Variants in STAT6 observed in about 807,000 individuals in gnomAD.
STAT6 encodes signal transducer and activator of transcription 6, also known as STAT, interleukin4-induced.
Under a neutral mutation model 106.3 loss-of-function variants are expected in STAT6, and 45 were observed. The observed-to-expected ratio is 0.42, with a 90% CI of 0.33 to 0.54. The LOEUF is 0.54. Ranked by LOEUF, STAT6 falls within the 20% of genes least tolerant of loss-of-function variation. The probability of loss-of-function intolerance (pLI) is 0.06; values close to 1 mark genes in which losing one functional copy is unlikely to be tolerated. For synonymous variants in STAT6, 413 were observed against 413.6 expected (o/e 1.00, Z 0.02); for missense variants, 797 against 1,062.2 (o/e 0.75, Z 3.47).
At position 57,098,841 on chromosome 12, in the gene STAT6, C is replaced by T. The variant is rs2033630518; in HGVS notation, c.2017G>A (p.Gly673Arg). 3 of 1,613,254 alleles carry T rather than the reference C, an allele frequency of 1.9e-6. No individual in the cohort carries two copies. The highest frequency in any genetic ancestry group is 1.3e-5 in the African/African-American group (1 of 74,978). ...MPTMVPSYDL[G>R]MAPDSSMSMQ... ...CTCATGGAGGAATCAGGGGCCATTC[C>T]AAGGTCATAAGAAGGCACCATGGTA... Residue 673 changes from glycine (G) to arginine (R), a missense_variant, in exon 18 of 22, where the codon GGA (glycine) becomes AGA (arginine). This residue lies in a region of STAT6 where 226 missense variants were observed against 236.7 expected (regional missense o/e 0.95). Coordinates refer to ENST00000300134, the MANE Select transcript of STAT6 (RefSeq NM_003153.5).
intron 1 of STAT6, chr12:57,110,166 C>T (rs993797664): frequency 1.3e-5 from 2 of 152,298 alleles, no homozygotes; most frequent in African/African-American, 4.8e-5. Context: ...TCCTCTGCAT[C>T]CCCTTGCAGA....
intron 19 of STAT6, among the ~76,000 whole-genome samples, 164 bp downstream of exon 19, chr12:57,098,341 G>A (rs2033584611): frequency 6.6e-6 from 1 of 152,148 alleles, no homozygotes; most frequent in Non-Finnish European, 1.5e-5. Flanking sequence ...TTCAAACCTA[G>A]GCAGTCCAGA....
At chr12:57,107,889 G>C in intron 2 of STAT6, 146 bp from the exon 3 acceptor site, 1 of 1,213,784 alleles carries the variant, frequency 8.2e-7, no homozygotes, top group Non-Finnish European at 1.1e-6. Context: ...CATGCGCCTT[G>C]TTTCCCAGTC....
Position 57,104,478 on chromosome 12 carries a change from G to C in STAT6, c.1198C>G (p.Pro400Ala), listed in dbSNP as rs1190118168. 1.2e-6 allele frequency: 2 copies of C among 1,609,280 alleles called. No individual in the cohort carries two copies. The highest frequency in any genetic ancestry group is 1.7e-6 in the Non-Finnish European group (2 of 1,178,230). ...CCACGGTTCACCTGGAGCTGGATGG[G>C]GAGTTTGCCGGGGCCAAGTGTGAAG... is the stretch of plus-strand genomic sequence containing the variant. ...ASFTLGPGKL[P>A]IQLQALSLPL... is the part of the protein sequence containing the mutation. The change falls in exon 11 of 22, where the codon CCC becomes GCC. Residue 400 changes from proline to alanine, a missense_variant. By Grantham distance (27) the Pro-to-Ala change is conservative. This residue lies in a region of STAT6 where 222 missense variants were observed against 354.6 expected (regional missense o/e 0.63). Transcript: ENST00000300134.
chr12:57,102,392 G>A lies in STAT6; in HGVS notation c.1410C>T (p.Leu470=). Residue 470 remains leucine, a synonymous_variant, in exon 13 of 22, where the codon CTC becomes CTT. Transcript: ENST00000300134. ...GGGCCAGGAAGAGGAAGTGCTCTGG[G>A]AGCAGCCCCCGGTTGGTCCCCACCT... ...MAEVGTNRGL[L]PEHFLFLAQK... The A allele has an allele frequency of 6.2e-7, 1 of 1,614,152 alleles. No homozygotes were observed. Among genetic ancestry groups the A allele is most frequent in the African/African-American group, 1.3e-5 (1 of 75,044 alleles).
chr12:57,098,955 C>T, intron 17 of STAT6, 53 bp from the exon 18 acceptor site: 6 of 1,612,956 alleles, frequency 3.7e-6, no homozygotes, highest in Non-Finnish European at 5.1e-6. Flanking sequence ...TGCCACCCCT[C>T]CTTCCTGCAG....
At position 57,096,710 on chromosome 12, in the gene STAT6, G is replaced by T; in HGVS notation, c.2406C>A (p.Leu802=). 6.2e-7 allele frequency: 1 copy of T among 1,611,632 alleles called. No homozygotes were observed. Among genetic ancestry groups the T allele is most frequent in the South Asian group, 1.1e-5 (1 of 90,964 alleles). ...PPLLPPTEQD[L]TKLLLEGQGE... ...CTTGCCCCTCCAGGAGAAGCTTAGT[G>T]AGGTCCTGTTCAGTGGGAGGCAGCA... Residue 802 remains leucine (L), a synonymous_variant, in exon 22 of 22, where the codon CTC becomes CTA. Transcript: ENST00000300134.
Position 57,099,156 on chromosome 12 carries a change from T to C in STAT6, c.1892-78A>G. 1 of 1,601,466 alleles carries C rather than the reference T, an allele frequency of 6.2e-7. No homozygotes were observed. Among genetic ancestry groups the C allele is most frequent in the Admixed American group, 1.7e-5 (1 of 59,964 alleles). On this transcript the variant is annotated intron_variant, in intron 16 of 21. Coordinates refer to ENST00000300134, the MANE Select transcript of STAT6 (RefSeq NM_003153.5). This position sits in a 1 kb window ranked among gnomAD's most constrained non-coding sequence, Gnocchi z 4.7. ...GGGAGGTGGAAAAGGTGGGCATGGA[T>C]CATGGGGAAGTAAGAGAAGCACAGC...
chr12:57,101,213 C>A (rs553590685), intron 13 of STAT6, among the ~76,000 whole-genome samples: 2 of 151,896 alleles, frequency 1.3e-5, no homozygotes, highest in East Asian at 3.9e-4. Flanking sequence ...CTCAGCCTCC[C>A]GAGTAGTTGG....
At chr12:57,102,226 A>T in intron 13 of STAT6, 64 bp downstream of exon 13, 1 of 1,537,266 alleles carries the variant, frequency 6.5e-7, no homozygotes, top group Non-Finnish European at 9.0e-7. Flanking sequence ...GAGGCTGAGC[A>T]GGCCCTGAGT....
chr12:57,099,741 CAG>C lies in STAT6; in HGVS notation c.1744+24_1744+25del. The stretch of plus-strand genomic sequence containing the variant: ...ACCCCAGAGGGCACAGGCACAGAGA[CAG>C]AGGACTGGCTGGGGTGGCCTCACCA... On this transcript the variant is annotated intron_variant, in intron 15 of 21. Transcript: ENST00000300134. The surrounding 1 kb of genome is among the most constrained non-coding windows in gnomAD (Gnocchi z 4.7). 6.2e-7 allele frequency: 1 copy of C among 1,613,690 alleles called. No individual in the cohort carries two copies. Among genetic ancestry groups the C allele is most frequent in the Non-Finnish European group, 8.5e-7 (1 of 1,179,864 alleles).
At chr12:57,100,587 TCTTTA>T (rs1015515736) in intron 13 of STAT6, among the ~76,000 whole-genome samples, 3 of 149,648 alleles carry the variant, frequency 2.0e-5, no homozygotes, top group Non-Finnish European at 3.0e-5. Flanking sequence ...TTCTTTCTTC[TCTTTA>T]AAGATTCTGT....
intron 1 of STAT6, among the ~76,000 whole-genome samples, chr12:57,109,645 T>G (rs946936331): frequency 1.3e-5 from 2 of 151,804 alleles, no homozygotes; most frequent in Non-Finnish European, 2.9e-5. Flanking sequence ...GCGGGTTTAG[T>G]AAGCTAGGAG....
At chr12:57,104,864 G>A (rs373339415) in intron 9 of STAT6, 51 bp from the exon 10 acceptor site, 51 of 1,595,196 alleles carry the variant, frequency 3.2e-5, no homozygotes, top group Non-Finnish European at 4.0e-5. Context: ...GTCGTCAGGT[G>A]TGGCGAGTGC....
chr12:57,102,943 G>GC (rs1592560823), intron 11 of STAT6, 22 bp from the exon 12 acceptor site: 2 of 1,216,272 alleles, frequency 1.6e-6, no homozygotes, highest in Non-Finnish European at 2.3e-6. Flanking sequence ...GAGGACAGGG[G>GC]TTTCTTTTCT....
intron 11 of STAT6, 131 bp from the exon 12 acceptor site, chr12:57,103,052 G>A (rs1292775052): frequency 1.9e-5 from 12 of 624,462 alleles, no homozygotes; most frequent in Admixed American, 3.9e-5. Context: ...CTGGAGTGCA[G>A]TAGTGCAATC....
intron 13 of STAT6, among the ~76,000 whole-genome samples, 165 bp downstream of exon 13, chr12:57,102,125 G>C (rs752370727): frequency 2.7e-4 from 41 of 152,218 alleles, no homozygotes; most frequent in Admixed American, 6.5e-4. Flanking sequence ...CCAACCCCCA[G>C]GCCTGGGGTT....
Position 57,108,200 on chromosome 12 carries a change from G to A in STAT6, c.79C>T (p.Arg27Trp), listed in dbSNP as rs2034390435. ...RLYVDFPQHL[R>W]HLLGDWLESQ... ...TCCAGCCAGTCACCCAGAAGATGCC[G>A]CAGGTGTTGGGGAAAGTCGACATAG... is the stretch of plus-strand genomic sequence containing the variant. Residue 27 changes from arginine to tryptophan, a missense_variant, in exon 2 of 22, where the codon CGG (arginine) becomes TGG (tryptophan). Physicochemically the swap from Arg to Trp is moderately radical, Grantham distance 101 (BLOSUM62 -3). Around this residue, in one of 4 missense-constraint regions of STAT6, gnomAD observed 336 missense variants for 429.8 expected, o/e 0.78. Transcript: ENST00000300134. The A allele has an allele frequency of 7.4e-6, 12 of 1,612,400 alleles. No individual in the cohort carries two copies. The highest frequency in any genetic ancestry group is 1.3e-5 in the African/African-American group (1 of 74,912).
intron 1 of STAT6, 46 bp from the exon 2 acceptor site, chr12:57,108,345 T>C: frequency 9.4e-7 from 1 of 1,066,248 alleles, no homozygotes; most frequent in Non-Finnish European, 1.4e-6. Context: ...CCAAGAAACT[T>C]GGCCTATCTC....
Sources: allele counts gnomAD v4.1 joint callset (sites outside exome capture counted in the v4.1 genomes callset), GRCh38; gene constraint gnomAD v4.1.1; regional missense constraint gnomAD v4.1.1; non-coding constraint Gnocchi (gnomAD v3.1); transcripts MANE v1.5; gene names NCBI Gene and HGNC (gene_info 2026-07-23, HGNC 2026-07-21).